Variants in CFH observed in about 807,000 individuals in gnomAD.
The protein encoded by CFH is complement factor H, also known as H factor 1 (complement).
CFH carries 53 observed loss-of-function variants against 147.3 expected under a neutral mutation model. The observed-to-expected ratio is 0.36, with a 90% CI of 0.29 to 0.45. CFH has a LOEUF of 0.45. Among genes scored for constraint, CFH ranks in the 20% least tolerant of loss-of-function variants. CFH has a pLI of 1.00. For synonymous variants in CFH, 536 were observed against 489.4 expected (o/e 1.10, Z -1.26); for missense variants, 1,380 against 1,498.0 (o/e 0.92, Z 1.30).
intron 1 of CFH, among the ~76,000 whole-genome samples, chr1:196,662,025 T>G (rs547027696): frequency 1.3e-5 from 2 of 152,334 alleles, no homozygotes; most frequent in Admixed American, 6.5e-5. Flanking sequence ...GAAAGGAAGC[T>G]GCTTTCCACA....
rs376511524 is a variant in CFH at position 196,686,787 on chromosome 1, A to T, written c.964+1550A>T. Among the ~76,000 whole-genome samples, 6 of 152,264 alleles carry T rather than the reference A, an allele frequency of 3.9e-5. No individual in the cohort carries two copies. In the East Asian group the frequency reaches 1.2e-3, roughly 29 times the overall value. ...GAGACCCAACTATATTTGGATTTCAATTATTAATGTTTGACAATGAACCAT... is the reference window on the plus strand; with the variant it reads ...GAGACCCAACTATATTTGGATTTCATTTATTAATGTTTGACAATGAACCAT... On this transcript the variant is annotated intron_variant, in intron 7 of 21. Transcript: ENST00000367429.
At chr1:196,674,808 C>T (rs963751635) in intron 3 of CFH, among the ~76,000 whole-genome samples, 23 of 152,058 alleles carry the variant, frequency 1.5e-4, no homozygotes, top group Non-Finnish European at 1.6e-4. Context: ...AAAAATATAT[C>T]TCTTCACTAC....
At chr1:196,653,034 A>G (rs890812841) in intron 1 of CFH, among the ~76,000 whole-genome samples, 2 of 151,882 alleles carry the variant, frequency 1.3e-5, no homozygotes, top group African/African-American at 4.8e-5. Flanking sequence ...CATAATTTCT[A>G]AAATCTTTTC....
intron 9 of CFH, among the ~76,000 whole-genome samples, chr1:196,694,162 C>T (rs1668166603): frequency 6.6e-6 from 1 of 151,976 alleles, no homozygotes; most frequent in Non-Finnish European, 1.5e-5. Context: ...CCTTTCCCCG[C>T]ACACCCCAAC....
intron 9 of CFH, among the ~76,000 whole-genome samples, chr1:196,701,780 A>G (rs999983944): frequency 2.2e-4 from 34 of 152,078 alleles, no homozygotes; most frequent in African/African-American, 8.2e-4. Context: ...AGTTCTCCCA[A>G]AGTAACCCAC....
chr1:196,744,815 CTTTCT>C (rs1164028204), intron 20 of CFH, among the ~76,000 whole-genome samples: 6 of 152,070 alleles, frequency 3.9e-5, no homozygotes, highest in Admixed American at 6.6e-5. Flanking sequence ...GTCTCAAGCT[CTTTCT>C]TTTATCTGTT....
intron 21 of CFH, 44 bp downstream of exon 21, chr1:196,746,043 G>T (rs1260520796): frequency 1.1e-5 from 17 of 1,613,602 alleles, no homozygotes; most frequent in Admixed American, 1.7e-5. Flanking sequence ...TCTCTGTGAT[G>T]AGTCTGATAT....
rs578130991 is a variant in CFH, at chr1:196,702,966, A to C, written c.1337-10769A>C. Among the ~76,000 whole-genome samples, 36 of 152,326 alleles carry C rather than the reference A, an allele frequency of 2.4e-4. No homozygotes were observed. The South Asian group carries it at 6.8e-3, about 29-fold the overall frequency. ...ATGGATATTGACCCAGAAGCCCCAG[A>C]AAATTTGATGATAGCTAACATGATG... On this transcript the variant is annotated intron_variant, in intron 9 of 21. Transcript: ENST00000367429.
chr1:196,710,183 C>T (rs1423327992), intron 9 of CFH, among the ~76,000 whole-genome samples: 1 of 152,084 alleles, frequency 6.6e-6, no homozygotes, highest in Non-Finnish European at 1.5e-5. Context: ...TTTTCTAGCC[C>T]GTCACCCTCC....
Position 196,666,681 on chromosome 1 carries a change from G to A in CFH, c.59-6297G>A, listed in dbSNP as rs879446597. Among the ~76,000 whole-genome samples the A allele has an allele frequency of 3.4e-4, 52 of 151,468 alleles. 1 individual carries two copies. Among genetic ancestry groups the A allele is most frequent in the Admixed American group, 2.4e-3 (36 of 15,198 alleles). On this transcript the variant is annotated intron_variant, in intron 1 of 21. Coordinates refer to ENST00000367429, the MANE Select transcript of CFH (RefSeq NM_000186.4). ...CCAAAAAATAGCCGGGCATGGTGGC[G>A]GGCACCTGTAGTTCCAGCTACTCAG... is the stretch of plus-strand genomic sequence containing the variant.
At chr1:196,706,319 G>A (rs999638043) in intron 9 of CFH, among the ~76,000 whole-genome samples, 3 of 152,068 alleles carry the variant, frequency 2.0e-5, no homozygotes, top group Admixed American at 6.5e-5. Flanking sequence ...AGAAATCTTA[G>A]CCTGACTAAA....
At chr1:196,675,921 T>G (rs140618003) in intron 3 of CFH, 68 bp from the exon 4 acceptor site, 1 of 952,156 alleles carries the variant, frequency 1.1e-6, no homozygotes, top group Non-Finnish European at 1.7e-6. Context: ...ACACTCAGAA[T>G]GGCATCGAGT....
chr1:196,715,381 G>C (rs149281814), intron 10 of CFH, among the ~76,000 whole-genome samples: 64 of 151,926 alleles, frequency 4.2e-4, no homozygotes, highest in African/African-American at 1.5e-3. Flanking sequence ...TGGGGCTTAA[G>C]CAATGAAAAA....
intron 9 of CFH, among the ~76,000 whole-genome samples, chr1:196,697,516 G>A (rs1484467385): frequency 6.6e-6 from 1 of 152,178 alleles, no homozygotes; most frequent in African/African-American, 2.4e-5. Context: ...ACAGGTGCCG[G>A]AGAGGATGTG....
In CFH at chr1:196,725,166, A is replaced by G. The variant is rs1242069265; in HGVS notation, c.1742A>G (p.Asp581Gly). The change falls in exon 12 of 22, where the codon GAT becomes GGT. Residue 581 changes from aspartate to glycine, a missense_variant. Coordinates refer to ENST00000367429, the MANE Select transcript of CFH (RefSeq NM_000186.4). ...AAAATAGATGTACACTTAGTTCCTGATCGCAAGAAAGACCAGTATAAAGTT... is the reference window on the plus strand; with the variant it reads ...AAAATAGATGTACACTTAGTTCCTGGTCGCAAGAAAGACCAGTATAAAGTT... The part of the protein sequence containing the change: ...LPKIDVHLVP[D>G]RKKDQYKVGE... 6.2e-7 allele frequency: 1 copy of G among 1,613,718 alleles called. No individual in the cohort carries two copies. The highest frequency in any genetic ancestry group is 2.2e-5 in the East Asian group (1 of 44,822).
intron 3 of CFH, among the ~76,000 whole-genome samples, chr1:196,675,383 T>G (rs1408018817): frequency 6.6e-6 from 1 of 152,092 alleles, no homozygotes; most frequent in African/African-American, 2.4e-5. Flanking sequence ...GATGGAGAGA[T>G]GGAGGCAAGT....
At chr1:196,701,482 G>T (rs1668447940) in intron 9 of CFH, 3 of 1,201,498 alleles carry the variant, frequency 2.5e-6, no homozygotes, top group Admixed American at 2.1e-5. Context: ...ATTCCAGCCA[G>T]AATGGGAAAT....
intron 9 of CFH, among the ~76,000 whole-genome samples, chr1:196,709,302 G>T (rs203683): frequency 5.8e-4 from 88 of 152,010 alleles, no homozygotes; most frequent in African/African-American, 1.8e-3. Context: ...TAATTTACAT[G>T]ATTCAATTAA....
Position 196,709,320 on chromosome 1 carries a change from A to G in CFH, c.1337-4415A>G, listed in dbSNP as rs538438484. Among the ~76,000 whole-genome samples the G allele has an allele frequency of 3.3e-5, 5 of 152,268 alleles. No homozygotes were observed. In the South Asian group the frequency reaches 1.0e-3, roughly 32 times the overall value. On this transcript the variant is annotated intron_variant, in intron 9 of 21. Coordinates refer to ENST00000367429, the MANE Select transcript of CFH (RefSeq NM_000186.4). ...TTTACATGATTCAATTAAATATTACAATAAAACCATAGACTGAAGTACTAA... is the reference window on the plus strand; with the variant it reads ...TTTACATGATTCAATTAAATATTACGATAAAACCATAGACTGAAGTACTAA...
Sources: gnomAD v4.1 joint callset for allele counts (sites outside exome capture counted in the v4.1 genomes callset) on GRCh38, gnomAD v4.1.1 for gene constraint, MANE v1.5 for transcripts, NCBI Gene and HGNC (gene_info 2026-07-23, HGNC 2026-07-21) for gene names.